MYO3A: variants seen among roughly 807,000 people sequenced by gnomAD.
MYO3A encodes the protein myosin-IIIa.
In MYO3A, 180 loss-of-function variants were observed where a neutral mutation model predicts 192.7. The ratio of observed to expected loss-of-function variants is 0.93; its 90% CI spans 0.83 to 1.06. The LOEUF is 1.06. Ranked by LOEUF, MYO3A falls within the 50% of genes least tolerant of loss-of-function variation. The probability of loss-of-function intolerance (pLI) is 0.00; values close to 1 mark genes in which losing one functional copy is unlikely to be tolerated. For missense variants in MYO3A, 1,896 were observed against 1,905.0 expected (o/e 1.00, Z 0.09); for synonymous variants, 628 against 645.3 (o/e 0.97, Z 0.41).
chr10:26,168,703 A>C lies in MYO3A; in HGVS notation c.3112-9A>C. On this transcript the variant is annotated splice_polypyrimidine_tract_variant and intron_variant, in intron 27 of 34. Coordinates refer to ENST00000642920, the MANE Select transcript of MYO3A (RefSeq NM_017433.5). ...CCATGGTTCTTTGTATTATATTTTA[A>C]TTTTTCAGGTGTTCCTTAAGTATTA... 1 of 1,611,046 alleles carries C rather than the reference A, an allele frequency of 6.2e-7. No homozygotes were observed.
chr10:25,952,012 A>G (rs1837234312), intron 2 of MYO3A, 82 bp from the exon 3 acceptor site: 3 of 1,022,580 alleles, frequency 2.9e-6, no homozygotes, highest in Non-Finnish European at 4.5e-6. Context: ...CAGTGAAAAT[A>G]TTCGCTAATT....
chr10:25,993,357 C>A (rs1022399431), intron 4 of MYO3A, among the ~76,000 whole-genome samples: 1 of 151,998 alleles, frequency 6.6e-6, no homozygotes, highest in Admixed American at 6.6e-5. Context: ...ATGGTGATAT[C>A]CCCTTCATGA....
At chr10:26,125,329 C>T in intron 18 of MYO3A, 69 bp from the exon 19 acceptor site, 3 of 1,388,682 alleles carry the variant, frequency 2.2e-6, no homozygotes, top group South Asian at 1.2e-5. Context: ...CAGATTAAGA[C>T]ATTTTCATTT....
chr10:26,120,565 G>C (rs1838794675), intron 17 of MYO3A, 111 bp from the exon 18 acceptor site: 2 of 1,394,096 alleles, frequency 1.4e-6, no homozygotes, highest in East Asian at 4.6e-5. Context: ...ATAGTCTGTG[G>C]ATAGATATGA....
At chr10:26,203,774 C>T (rs1382899479) in intron 34 of MYO3A, among the ~76,000 whole-genome samples, 3 of 152,104 alleles carry the variant, frequency 2.0e-5, no homozygotes, top group Admixed American at 6.5e-5. Flanking sequence ...AAATTCTAAA[C>T]GAATATCCTG....
At chr10:26,068,006 C>T (rs12773856) in intron 11 of MYO3A, among the ~76,000 whole-genome samples, 72,129 of 151,890 alleles carry the variant, frequency 0.47, 17,922 homozygotes, top group Middle Eastern at 0.59. Flanking sequence ...GAAATCAAAT[C>T]ATGTTGGCAA....
At chr10:25,988,690 T>C (rs77021896) in intron 4 of MYO3A, among the ~76,000 whole-genome samples, 14,510 of 152,108 alleles carry the variant, frequency 0.095, 1,226 homozygotes, top group African/African-American at 0.22. Context: ...TGCCTTTCAG[T>C]TTTATAAATG....
At chr10:26,104,162 GGT>G (rs1837646247) in intron 17 of MYO3A, among the ~76,000 whole-genome samples, 1 of 150,426 alleles carries the variant, frequency 6.6e-6, no homozygotes, top group South Asian at 2.1e-4. Context: ...CTTTCTTGAT[GGT>G]GTCCTTTGAA....
intron 10 of MYO3A, among the ~76,000 whole-genome samples, chr10:26,053,755 G>A (rs922963608): frequency 6.6e-6 from 1 of 152,050 alleles, no homozygotes; most frequent in Non-Finnish European, 1.5e-5. Context: ...AACCTGGGAG[G>A]TGACGTTTGC....
At chr10:26,075,653 C>T in intron 14 of MYO3A, among the ~76,000 whole-genome samples, 1 of 135,838 alleles carries the variant, frequency 7.4e-6, no homozygotes, top group South Asian at 2.4e-4. Flanking sequence ...ATATATATGT[C>T]TCTCATATAT....
intron 10 of MYO3A, among the ~76,000 whole-genome samples, chr10:26,053,943 A>G (rs773176486): frequency 6.6e-6 from 1 of 152,350 alleles, no homozygotes; most frequent in East Asian, 1.9e-4. Context: ...CTCGCAATCA[A>G]GAGAAGTACT....
At chr10:26,078,210 C>G (rs990978752) in intron 14 of MYO3A, among the ~76,000 whole-genome samples, 11 of 141,676 alleles carry the variant, frequency 7.8e-5, no homozygotes. Context: ...GTATTTGATT[C>G]TTCCTGATTT....
intron 6 of MYO3A, among the ~76,000 whole-genome samples, chr10:26,003,055 T>C (rs564103153): frequency 5.3e-5 from 8 of 152,236 alleles, no homozygotes; most frequent in Non-Finnish European, 8.8e-5. Flanking sequence ...GCCATATAAT[T>C]ATGTGACAAT....
chr10:25,938,874 G>C (rs1347876542), intron 2 of MYO3A, among the ~76,000 whole-genome samples: 1 of 152,088 alleles, frequency 6.6e-6, no homozygotes, highest in Non-Finnish European at 1.5e-5. Flanking sequence ...AAACATGCCC[G>C]TGTTCACTTA....
At chr10:26,041,731 G>A (rs72793956) in intron 10 of MYO3A, among the ~76,000 whole-genome samples, 24,709 of 151,858 alleles carry the variant, frequency 0.16, 2,304 homozygotes, top group Non-Finnish European at 0.21. Flanking sequence ...CTACCGCTTT[G>A]CTTCATTATT....
chr10:26,044,918 G>T (rs992433802), intron 10 of MYO3A, among the ~76,000 whole-genome samples: 3 of 152,216 alleles, frequency 2.0e-5, no homozygotes, highest in Non-Finnish European at 4.4e-5. Flanking sequence ...TGACTCCTGG[G>T]TGAATGGAGC....
At chr10:26,181,348 CA>C (rs1267674429) in intron 31 of MYO3A, among the ~76,000 whole-genome samples, 1 of 151,970 alleles carries the variant, frequency 6.6e-6, no homozygotes, top group Non-Finnish European at 1.5e-5. Context: ...AAAGGAATTA[CA>C]AAGAAAAACT....
chr10:25,954,383 T>C (rs1837403698), intron 3 of MYO3A, among the ~76,000 whole-genome samples: 1 of 152,068 alleles, frequency 6.6e-6, no homozygotes, highest in Non-Finnish European at 1.5e-5. Flanking sequence ...GTGCAATCTT[T>C]TATAACTTAA....
chr10:26,187,762 A>G (rs1280020988), intron 31 of MYO3A, among the ~76,000 whole-genome samples: 6 of 150,892 alleles, frequency 4.0e-5, no homozygotes, highest in East Asian at 2.0e-4. Context: ...TGTCCTTGCA[A>G]TAGTTCACTG....
Sources: gnomAD v4.1 joint callset for allele counts (sites outside exome capture counted in the v4.1 genomes callset) on GRCh38, gnomAD v4.1.1 for gene constraint, MANE v1.5 for transcripts, NCBI Gene and HGNC (gene_info 2026-07-23, HGNC 2026-07-21) for gene names.